Variants in CTNND2 observed in about 807,000 individuals in gnomAD.
The protein encoded by CTNND2 is catenin delta-2.
CTNND2 carries 22 observed loss-of-function variants against 144.4 expected under a neutral mutation model. The ratio of observed to expected loss-of-function variants is 0.15; its 90% CI spans 0.11 to 0.22. CTNND2 has a LOEUF of 0.22. CTNND2 is among the 10% of genes least tolerant of loss of function. The probability of loss-of-function intolerance (pLI) is 1.00; values close to 1 mark genes in which losing one functional copy is unlikely to be tolerated. For synonymous variants in CTNND2, 751 were observed against 695.6 expected (o/e 1.08, Z -1.25); for missense variants, 1,353 against 1,618.8 (o/e 0.84, Z 2.82).
chr5:11,719,261 ACAAGATGGCATACTTCTCCTT>A (rs1023581223), intron 2 of CTNND2, among the ~76,000 whole-genome samples: 1 of 152,192 alleles, frequency 6.6e-6, no homozygotes, highest in African/African-American at 2.4e-5. Context: ...AGTCCTTAAA[ACAAGATGGCATACTTCTCCTT>A]CAGAAGCGAG....
intron 3 of CTNND2, among the ~76,000 whole-genome samples, chr5:11,528,066 A>G (rs752993113): frequency 6.6e-6 from 1 of 152,262 alleles, no homozygotes; most frequent in Non-Finnish European, 1.5e-5. Context: ...AAAGAGAGCC[A>G]CATTTAAAAG....
intron 9 of CTNND2, 36 bp from the exon 10 acceptor site, chr5:11,236,859 G>A (rs1239509468): frequency 6.2e-7 from 1 of 1,610,716 alleles, no homozygotes. Context: ...GAATATGAGA[G>A]AGAAATCCTA....
Position 11,527,357 on chromosome 5 carries a change from G to A in CTNND2, c.287+37587C>T, listed in dbSNP as rs541587144. Among the ~76,000 whole-genome samples, 8 of 152,200 alleles carry A rather than the reference G, an allele frequency of 5.3e-5. No individual in the cohort carries two copies. The East Asian group carries it at 5.8e-4, about 11-fold the overall frequency. ...CAGGCAGGCTGGCGCCAGAAGCCTC[G>A]TCCTTCCCTACTCATGCAAAGATAC... is the stretch of plus-strand genomic sequence containing the variant. On this transcript the variant is annotated intron_variant, in intron 3 of 21. Transcript: ENST00000304623.
intron 2 of CTNND2, among the ~76,000 whole-genome samples, chr5:11,686,308 C>T (rs926131398): frequency 1.3e-5 from 2 of 152,066 alleles, no homozygotes; most frequent in Admixed American, 1.3e-4. Context: ...CCATGGGTAA[C>T]TCTGTGAGGC....
rs1761543329 is a variant in CTNND2 at position 11,411,640 on chromosome 5, T to C, written c.335A>G (p.Asp112Gly). 3 of 1,601,056 alleles carry C rather than the reference T, an allele frequency of 1.9e-6. No homozygotes were observed. Among genetic ancestry groups the C allele is most frequent in the Non-Finnish European group, 2.6e-6 (3 of 1,169,452 alleles). The change falls in exon 5 of 22, where the codon GAT becomes GGT. Residue 112 changes from aspartate (D) to glycine (G), a missense_variant. Around this residue, in one of 4 missense-constraint regions of CTNND2, gnomAD observed 708 missense variants for 706.4 expected, o/e 1.00. Transcript: ENST00000304623. ...ACCTGTTGTAAGCTCATCTTCGATATCTTTTTGACCATCTGAAATGAAATA... is the reference window on the plus strand; with the variant it reads ...ACCTGTTGTAAGCTCATCTTCGATACCTTTTTGACCATCTGAAATGAAATA... ...FQWQSQDGQK[D>G]IEDELTTGLE...
chr5:11,270,161 C>T (rs1381812481), intron 9 of CTNND2, among the ~76,000 whole-genome samples: 5 of 152,096 alleles, frequency 3.3e-5, no homozygotes, highest in African/African-American at 1.2e-4. Context: ...AGAACTTCCC[C>T]AAAGTGGGGC....
At chr5:11,746,446 C>T (rs1788321234) in intron 1 of CTNND2, among the ~76,000 whole-genome samples, 1 of 152,022 alleles carries the variant, frequency 6.6e-6, no homozygotes, top group South Asian at 2.1e-4. Context: ...ATTACATGAT[C>T]ACTAAGAACT....
intron 15 of CTNND2, among the ~76,000 whole-genome samples, chr5:11,084,770 G>A: frequency 6.6e-6 from 1 of 152,048 alleles, no homozygotes; most frequent in East Asian, 1.9e-4. Flanking sequence ...GAAACTCCAG[G>A]GAGGTCAGCA....
intron 1 of CTNND2, among the ~76,000 whole-genome samples, chr5:11,774,560 T>TA (rs1561785355): frequency 0.05 from 1,889 of 37,626 alleles, 101 homozygotes; most frequent in South Asian, 0.3. Context: ...TAAAAAAAAA[T>TA]TAAAAAAAAA....
intron 3 of CTNND2, among the ~76,000 whole-genome samples, chr5:11,563,604 T>C (rs1375362191): frequency 6.6e-6 from 1 of 152,342 alleles, no homozygotes; most frequent in East Asian, 1.9e-4. Flanking sequence ...ATGATGTACG[T>C]ATTTGCAGCA....
chr5:11,132,106 C>A (rs1268712928), intron 12 of CTNND2, among the ~76,000 whole-genome samples: 1 of 152,168 alleles, frequency 6.6e-6, no homozygotes, highest in Non-Finnish European at 1.5e-5. Flanking sequence ...TGGGTCTTAA[C>A]CCTTTGTTTT....
At chr5:10,991,082 A>G (rs1393384198) in intron 19 of CTNND2, among the ~76,000 whole-genome samples, 1 of 152,208 alleles carries the variant, frequency 6.6e-6, no homozygotes, top group African/African-American at 2.4e-5. Flanking sequence ...GGACGTTTCC[A>G]CAGGTACAGG....
At chr5:11,283,563 A>G (rs923471153) in intron 9 of CTNND2, among the ~76,000 whole-genome samples, 2 of 150,984 alleles carry the variant, frequency 1.3e-5, no homozygotes, top group East Asian at 4.0e-4. Context: ...AGTCCCAGCT[A>G]CACGGGAGGC....
intron 16 of CTNND2, among the ~76,000 whole-genome samples, chr5:11,042,806 TG>T (rs1744816546): frequency 1.3e-5 from 2 of 152,136 alleles, no homozygotes; most frequent in African/African-American, 4.8e-5. Context: ...TGGTGTGGCT[TG>T]GGGTGGTTGG....
At chr5:11,062,291 T>C (rs565300216) in intron 16 of CTNND2, among the ~76,000 whole-genome samples, 2 of 152,362 alleles carry the variant, frequency 1.3e-5, no homozygotes, top group East Asian at 1.9e-4. Context: ...CACTTCTATT[T>C]TGAAAGCTGG....
intron 9 of CTNND2, among the ~76,000 whole-genome samples, chr5:11,342,185 A>G (rs1264431263): frequency 2.0e-5 from 3 of 152,270 alleles, no homozygotes; most frequent in African/African-American, 7.2e-5. Context: ...CTAGTAGTAA[A>G]ATATTTATAA....
At chr5:11,433,751 G>A (rs1451381314) in intron 3 of CTNND2, among the ~76,000 whole-genome samples, 4 of 152,116 alleles carry the variant, frequency 2.6e-5, no homozygotes, top group Admixed American at 1.3e-4. Context: ...CTGTCCCCAT[G>A]ACACAAACAC....
chr5:11,170,782 T>C lies in CTNND2; in HGVS notation c.1976-11023A>G, dbSNP rs933958349. On this transcript the variant is annotated intron_variant, in intron 11 of 21. Coordinates refer to ENST00000304623, the MANE Select transcript of CTNND2 (RefSeq NM_001332.4). ...TTTCATACTGCTATGAAGAAATACCTGAGACTGGGTAATTTATAAAGAAAC... is the reference window on the plus strand; with the variant it reads ...TTTCATACTGCTATGAAGAAATACCCGAGACTGGGTAATTTATAAAGAAAC... Among the ~76,000 whole-genome samples, 6 of 152,210 alleles carry C rather than the reference T, an allele frequency of 3.9e-5. No homozygotes were observed. The East Asian group carries it at 9.6e-4, about 24-fold the overall frequency.
chr5:11,564,935 C>A lies in CTNND2; in HGVS notation c.287+9G>T. ...AAAGCACAGACAATGAACAGAGCGG[C>A]GCTAGTACCTCATGCTGCTCATGCT... is the stretch of plus-strand genomic sequence containing the variant. On this transcript the variant is annotated intron_variant, in intron 3 of 21. Coordinates refer to ENST00000304623, the MANE Select transcript of CTNND2 (RefSeq NM_001332.4). The A allele has an allele frequency of 6.3e-7, 1 of 1,599,076 alleles. No homozygotes were observed. The highest frequency in any genetic ancestry group is 8.6e-7 in the Non-Finnish European group (1 of 1,166,312).
Sources: gnomAD v4.1 joint callset for allele counts (sites outside exome capture counted in the v4.1 genomes callset) on GRCh38, gnomAD v4.1.1 for gene constraint, gnomAD v4.1.1 regional missense constraint, MANE v1.5 for transcripts, NCBI Gene and HGNC (gene_info 2026-07-23, HGNC 2026-07-21) for gene names.